The following RBFOX2 variants were observed in gnomAD, a reference collection of about 807,000 sequenced individuals.
RBFOX2 encodes RNA binding protein fox-1 homolog 2.
A neutral mutation model predicts 49.1 loss-of-function variants in RBFOX2; 10 were observed. The observed-to-expected ratio is 0.20, with a 90% confidence interval of 0.13 to 0.35. The LOEUF (loss-of-function observed/expected upper bound fraction) is 0.35, where lower values mean the gene tolerates loss of function less well. Among genes scored for constraint, RBFOX2 ranks in the 10% least tolerant of loss-of-function variants. The pLI, the probability that RBFOX2 is intolerant of heterozygous loss-of-function variation, is 1.00. For synonymous variants in RBFOX2, 183 were observed against 187.4 expected (o/e 0.98, Z 0.19); for missense variants, 323 against 486.9 (o/e 0.66, Z 3.17).
chr22:35,880,635 A>G (rs2045758099), intron 1 of RBFOX2, among the ~76,000 whole-genome samples: 1 of 152,242 alleles, frequency 6.6e-6, no homozygotes. Context: ...TATTCCAAAA[A>G]GAAAACAGAA....
intron 1 of RBFOX2, among the ~76,000 whole-genome samples, chr22:36,027,851 G>T (rs2059506762): frequency 6.6e-6 from 1 of 151,952 alleles, no homozygotes; most frequent in South Asian, 2.1e-4. Context: ...CCCTCTTCTC[G>T]GGAGGTTTCC....
At chr22:35,913,871 C>T (rs1427614908) in intron 1 of RBFOX2, among the ~76,000 whole-genome samples, 1 of 151,904 alleles carries the variant, frequency 6.6e-6, no homozygotes, top group Non-Finnish European at 1.5e-5. Flanking sequence ...AAGGGGTGGG[C>T]AGAGCTGGCT....
intron 1 of RBFOX2, among the ~76,000 whole-genome samples, chr22:35,812,274 G>GA (rs371751236): frequency 0.012 from 1,417 of 122,998 alleles, 10 homozygotes; most frequent in Middle Eastern, 0.047. Flanking sequence ...TCAAAAGATA[G>GA]AAAAAAAAAA....
intron 1 of RBFOX2, among the ~76,000 whole-genome samples, chr22:35,980,210 C>T (rs1441476184): frequency 6.6e-6 from 1 of 152,120 alleles, no homozygotes; most frequent in Non-Finnish European, 1.5e-5. Flanking sequence ...CCTATGTGAT[C>T]AACACACACA....
chr22:35,890,059 G>T (rs960635156), intron 1 of RBFOX2, among the ~76,000 whole-genome samples: 1 of 152,124 alleles, frequency 6.6e-6, no homozygotes, highest in African/African-American at 2.4e-5. Context: ...TTATGATAAA[G>T]CCATCAGTTA....
chr22:35,953,919 A>G (rs1164436775), intron 1 of RBFOX2, among the ~76,000 whole-genome samples: 1 of 152,206 alleles, frequency 6.6e-6, no homozygotes, highest in Non-Finnish European at 1.5e-5. Context: ...AAAAAGATAA[A>G]ATGTTTCTAA....
intron 1 of RBFOX2, among the ~76,000 whole-genome samples, chr22:35,829,557 T>C (rs1296997405): frequency 2.7e-5 from 4 of 149,272 alleles, no homozygotes; most frequent in African/African-American, 7.4e-5. Context: ...ATAGAAAAGA[T>C]CCAAAAAGAA....
At chr22:35,923,387 T>C (rs1014049420) in intron 1 of RBFOX2, among the ~76,000 whole-genome samples, 4 of 152,140 alleles carry the variant, frequency 2.6e-5, no homozygotes, top group African/African-American at 9.7e-5. Context: ...CACTTCCATA[T>C]TGTTTTAGAG....
chr22:35,849,599 A>G (rs980451151), intron 1 of RBFOX2, among the ~76,000 whole-genome samples: 5 of 152,178 alleles, frequency 3.3e-5, no homozygotes, highest in Admixed American at 2.6e-4. Context: ...GATAATCCAT[A>G]CAATATACAC....
chr22:35,918,536 G>A (rs2050679356), intron 1 of RBFOX2, among the ~76,000 whole-genome samples: 1 of 152,088 alleles, frequency 6.6e-6, no homozygotes, highest in South Asian at 2.1e-4. Flanking sequence ...ATCTTCACTG[G>A]ACGAATCATA....
At position 35,833,046 on chromosome 22, in the gene RBFOX2, T is replaced by C. The variant is rs190278350; in HGVS notation, c.27+7146A>G. Among the ~76,000 whole-genome samples, 234 of 152,288 alleles carry C rather than the reference T, an allele frequency of 1.5e-3. 1 individual carries two copies. The highest frequency in any genetic ancestry group is 5.4e-3 in the African/African-American group (223 of 41,574). ...TATACGCATGTATCAAAATATCATA[T>C]GTACCCCATAAATATGTATAATTAT... On this transcript the variant is annotated intron_variant, in intron 1 of 11. Coordinates refer to ENST00000405409, the Ensembl canonical transcript of RBFOX2.
chr22:36,014,074 T>C (rs1160105566), intron 1 of RBFOX2, among the ~76,000 whole-genome samples: 1 of 152,050 alleles, frequency 6.6e-6, no homozygotes, highest in African/African-American at 2.4e-5. Flanking sequence ...ATTTAACTTT[T>C]TTTGGTGGGG....
intron 1 of RBFOX2, among the ~76,000 whole-genome samples, chr22:35,934,980 G>A (rs2052885315): frequency 6.6e-6 from 1 of 152,086 alleles, no homozygotes; most frequent in African/African-American, 2.4e-5. Context: ...TGTCACCCAG[G>A]CTGGAGCGCA....
intron 1 of RBFOX2, among the ~76,000 whole-genome samples, chr22:35,854,303 G>C (rs929441959): frequency 6.6e-6 from 1 of 152,012 alleles, no homozygotes; most frequent in Non-Finnish European, 1.5e-5. Context: ...AGAGGATATA[G>C]GCTGGAAGCA....
chr22:35,985,951 G>C (rs112317111), intron 1 of RBFOX2, among the ~76,000 whole-genome samples: 1 of 134,796 alleles, frequency 7.4e-6, no homozygotes, highest in Non-Finnish European at 1.6e-5. Flanking sequence ...TAGATAGATA[G>C]ATAGAGTCTT....
chr22:35,838,544 G>A (rs1958121610), intron 1 of RBFOX2, among the ~76,000 whole-genome samples: 1 of 152,122 alleles, frequency 6.6e-6, no homozygotes, highest in South Asian at 2.1e-4. Context: ...CCATGTTTCT[G>A]CTCCTGTGGC....
rs530973222 is a variant in RBFOX2, at chr22:35,936,869, G to C, written c.-34+1978C>G. 5.9e-5 allele frequency among the ~76,000 whole-genome samples: 9 copies of C among 152,308 alleles called. 1 individual carries two copies. Among genetic ancestry groups the C allele is most frequent in the African/African-American group, 2.2e-4 (9 of 41,572 alleles). Reference sequence around the variant, plus strand: ...ACAAGAAGAATACAGTACCCTTTCAGTCTTCTAAACTCAGTAAGTCTATTT... The same window carrying C: ...ACAAGAAGAATACAGTACCCTTTCACTCTTCTAAACTCAGTAAGTCTATTT... On this transcript the variant is annotated intron_variant, in intron 1 of 13. Transcript: ENST00000359369.
chr22:35,797,876 G>A (rs997353609), intron 2 of RBFOX2, among the ~76,000 whole-genome samples: 2 of 152,152 alleles, frequency 1.3e-5, no homozygotes, highest in Admixed American at 6.5e-5. Context: ...TGCAGGCTAT[G>A]GGTTCACTGT....
chr22:35,867,986 G>A (rs955245582), intron 1 of RBFOX2, among the ~76,000 whole-genome samples: 11 of 152,124 alleles, frequency 7.2e-5, no homozygotes, highest in African/African-American at 2.7e-4. Context: ...TGAGGTGGGA[G>A]GATCCCTTGA....
Sources: allele counts gnomAD v4.1 joint callset (sites outside exome capture counted in the v4.1 genomes callset), GRCh38; gene constraint gnomAD v4.1.1; transcripts MANE v1.5; gene names NCBI Gene and HGNC (gene_info 2026-07-23, HGNC 2026-07-21).